The following SAXO1 variants were observed in gnomAD, a reference collection of about 807,000 sequenced individuals.
The protein encoded by SAXO1 is stabilizer of axonemal microtubules 1, also known as 4930500O09Rik.
Under a neutral mutation model 17.5 loss-of-function variants are expected in SAXO1, and 21 were observed. That is an observed-to-expected ratio of 1.20 (90% CI 0.85 to 1.72). SAXO1 has a LOEUF of 1.72. Among genes scored for constraint, SAXO1 ranks in the 40% most tolerant of loss-of-function variants. The pLI, the probability that SAXO1 is intolerant of heterozygous loss-of-function variation, is 0.00. For synonymous variants in SAXO1, 274 were observed against 216.5 expected (o/e 1.27, Z -2.33); for missense variants, 843 against 596.0 (o/e 1.41, Z -4.32).
At chr9:18,998,545 G>C (rs1019106415) in intron 1 of SAXO1, among the ~76,000 whole-genome samples, 34 of 152,072 alleles carry the variant, frequency 2.2e-4, no homozygotes, top group African/African-American at 8.0e-4. Flanking sequence ...CACTCTTCGG[G>C]ATATTATCCA....
chr9:19,030,208 T>C (rs781353012), intron 1 of SAXO1, among the ~76,000 whole-genome samples: 1 of 151,870 alleles, frequency 6.6e-6, no homozygotes, highest in East Asian at 1.9e-4. Flanking sequence ...CATCAGCAGG[T>C]CCACTCAGGG....
chr9:18,966,599 T>C (rs1832726274), intron 1 of SAXO1, among the ~76,000 whole-genome samples: 1 of 152,244 alleles, frequency 6.6e-6, no homozygotes, highest in Non-Finnish European at 1.5e-5. Flanking sequence ...TCAAGTCATT[T>C]ATATTCTTCT....
In SAXO1 at chr9:18,929,441, T is replaced by C. The variant is rs79515001; in HGVS notation, c.422-386A>G. 9.5e-3 allele frequency among the ~76,000 whole-genome samples: 1,452 copies of C among 152,290 alleles called. 18 individuals are homozygous for C. Among genetic ancestry groups the C allele is most frequent in the African/African-American group, 0.033 (1,382 of 41,552 alleles). On this transcript the variant is annotated intron_variant, in intron 3 of 3. Coordinates refer to ENST00000380534, the MANE Select transcript of SAXO1 (RefSeq NM_153707.4). Reference sequence around the variant, plus strand: ...AATCAGCATGGAAGGAGTGAGAAGATGCATGTGATGTAGTGAGATAGAAAA... The same window carrying C: ...AATCAGCATGGAAGGAGTGAGAAGACGCATGTGATGTAGTGAGATAGAAAA...
chr9:18,978,625 T>C (rs1262021994), intron 1 of SAXO1, among the ~76,000 whole-genome samples: 2 of 152,226 alleles, frequency 1.3e-5, no homozygotes, highest in Non-Finnish European at 2.9e-5. Flanking sequence ...AACTGAACCC[T>C]GAATAATGGC....
chr9:18,976,947 A>G (rs570418079), intron 1 of SAXO1, among the ~76,000 whole-genome samples: 1 of 152,360 alleles, frequency 6.6e-6, no homozygotes, highest in East Asian at 1.9e-4. Flanking sequence ...TGAAGCACTT[A>G]GCACAATGCC....
intron 1 of SAXO1, among the ~76,000 whole-genome samples, chr9:19,046,508 C>T (rs906151702): frequency 2.0e-5 from 3 of 151,954 alleles, no homozygotes; most frequent in Admixed American, 6.6e-5. Context: ...CCAGCCTGAC[C>T]AACATGGAGA....
At chr9:18,993,880 C>T (rs982630926) in intron 1 of SAXO1, among the ~76,000 whole-genome samples, 35 of 152,122 alleles carry the variant, frequency 2.3e-4, no homozygotes, top group African/African-American at 8.2e-4. Flanking sequence ...GGGGATAAGT[C>T]CAGAATCCTA....
At chr9:19,004,325 G>GTGA (rs543599045) in intron 1 of SAXO1, among the ~76,000 whole-genome samples, 213 of 152,320 alleles carry the variant, frequency 1.4e-3, no homozygotes, top group African/African-American at 4.9e-3. Flanking sequence ...AGACAGTGTG[G>GTGA]TGATTCCTCA....
chr9:18,985,564 G>A (rs970841302), intron 1 of SAXO1, among the ~76,000 whole-genome samples: 4 of 152,152 alleles, frequency 2.6e-5, no homozygotes, highest in African/African-American at 9.7e-5. Flanking sequence ...ATTGACTGGA[G>A]TTACAGGGCT....
At chr9:18,999,021 C>A (rs1834133601) in intron 1 of SAXO1, among the ~76,000 whole-genome samples, 1 of 152,200 alleles carries the variant, frequency 6.6e-6, no homozygotes, top group African/African-American at 2.4e-5. Flanking sequence ...GTAAAGACCA[C>A]TGATGCTATG....
At chr9:18,941,427 C>G (rs999213320) in intron 3 of SAXO1, among the ~76,000 whole-genome samples, 10 of 152,094 alleles carry the variant, frequency 6.6e-5, no homozygotes, top group African/African-American at 2.2e-4. Context: ...AAATTATATC[C>G]TTTTGATTTG....
chr9:19,040,677 A>G (rs937898511), intron 1 of SAXO1, among the ~76,000 whole-genome samples: 7 of 152,052 alleles, frequency 4.6e-5, no homozygotes, highest in Non-Finnish European at 7.4e-5. Context: ...GAGAGAGAGA[A>G]AGAAAGAGGA....
At chr9:18,946,279 CAAAAAAAAA>C (rs56858815) in intron 2 of SAXO1, among the ~76,000 whole-genome samples, 13 of 34,482 alleles carry the variant, frequency 3.8e-4, no homozygotes, top group African/African-American at 7.8e-4. Context: ...TTCATCTCAC[CAAAAAAAAA>C]AAAAAAAAAA....
intron 1 of SAXO1, among the ~76,000 whole-genome samples, chr9:18,973,414 A>T (rs1344092241): frequency 6.6e-6 from 1 of 152,234 alleles, no homozygotes; most frequent in Non-Finnish European, 1.5e-5. Context: ...ACTGCATGCC[A>T]AGTGAAATTT....
chr9:19,001,538 G>A (rs1270061267), intron 1 of SAXO1, among the ~76,000 whole-genome samples: 11 of 151,912 alleles, frequency 7.2e-5, no homozygotes, highest in African/African-American at 2.7e-4. Flanking sequence ...GTGGTGGCGG[G>A]CACCTGTAGT....
At chr9:18,951,804 A>C (rs1032343508) in intron 1 of SAXO1, among the ~76,000 whole-genome samples, 1 of 152,116 alleles carries the variant, frequency 6.6e-6, no homozygotes, top group African/African-American at 2.4e-5. Flanking sequence ...TACACTGTAC[A>C]TTTTTCAACC....
intron 1 of SAXO1, among the ~76,000 whole-genome samples, chr9:19,001,094 T>C (rs986345825): frequency 1.3e-5 from 2 of 152,300 alleles, no homozygotes; most frequent in Middle Eastern, 3.4e-3. Context: ...GCAGACCTAA[T>C]AGACATCTAC....
intron 1 of SAXO1, among the ~76,000 whole-genome samples, chr9:19,011,515 G>T (rs1028747266): frequency 6.6e-6 from 1 of 152,160 alleles, no homozygotes; most frequent in African/African-American, 2.4e-5. Context: ...CAAGTTTCTT[G>T]TGTGCCCAGA....
rs1299837523 is a variant in SAXO1 at position 18,928,178 on chromosome 9, C to G, written c.1299G>C (p.Glu433Asp). The change falls in exon 4 of 4, where the codon GAG (glutamate) becomes GAC (aspartate). Residue 433 changes from glutamate (E) to aspartate (D), a missense_variant. Coordinates refer to ENST00000380534, the MANE Select transcript of SAXO1 (RefSeq NM_153707.4). ...SYPEPPGYTF[E>D]EVDALGHRIY... ...TCCTGTGACCCAAAGCATCCACTTC[C>G]TCAAAGGTGTAGCCAGGAGGCTCAG... The G allele has an allele frequency of 5.6e-6, 9 of 1,614,218 alleles. No individual in the cohort carries two copies. The highest frequency in any genetic ancestry group is 7.6e-6 in the Non-Finnish European group (9 of 1,180,044).
Sources: allele counts gnomAD v4.1 joint callset (sites outside exome capture counted in the v4.1 genomes callset), GRCh38; gene constraint gnomAD v4.1.1; transcripts MANE v1.5; gene names NCBI Gene and HGNC (gene_info 2026-07-23, HGNC 2026-07-21).